The following CD40 variants were observed in gnomAD, a reference collection of about 807,000 sequenced individuals.
The protein encoded by CD40 is CD40 molecule, also known as tumor necrosis factor receptor superfamily member 5.
CD40 carries 19 observed loss-of-function variants against 38.5 expected under a neutral mutation model. The ratio of observed to expected loss-of-function variants is 0.49; its 90% CI spans 0.34 to 0.72. The LOEUF (loss-of-function observed/expected upper bound fraction) is 0.72. Among genes scored for constraint, CD40 ranks in the 30% least tolerant of loss-of-function variants. The pLI, the probability that CD40 is intolerant of heterozygous loss-of-function variation, is 0.01. For synonymous variants in CD40, 130 were observed against 128.7 expected, an observed-to-expected ratio of 1.01 and a Z score of -0.07; for missense variants, 256 against 344.1, an observed-to-expected ratio of 0.74 and a Z score of 2.03.
rs2085502827 is a variant in CD40, at chr20:46,129,128, G to A, written c.*88G>A. On this transcript the variant is annotated 3_prime_UTR_variant, in exon 9 of 9. Transcript: ENST00000372285. ...GCTGCTGCTGCTGTGGCGTGAGGGT[G>A]AGGGGCTGGCACTGACTGGGCATAG... The A allele has an allele frequency of 6.7e-7, 1 of 1,488,912 alleles. No homozygotes were observed. The highest frequency in any genetic ancestry group is 9.3e-7 in the Non-Finnish European group (1 of 1,073,440). 92.2% of individuals were successfully genotyped at this position (1,488,912 alleles called of 1,614,324 possible).
intron 5 of CD40, among the ~76,000 whole-genome samples, chr20:46,125,956 G>C (rs1011224463): frequency 6.6e-6 from 1 of 152,154 alleles, no homozygotes; most frequent in Non-Finnish European, 1.5e-5. Flanking sequence ...GTCCCACTTA[G>C]CGGGACTGCA....
chr20:46,129,346 C>T lies in CD40; in HGVS notation c.*306C>T, dbSNP rs772009573. 5.1e-5 allele frequency: 20 copies of T among 395,132 alleles called. No individual in the cohort carries two copies. The highest frequency in any genetic ancestry group is 7.7e-5 in the Non-Finnish European group (16 of 206,468). 24.5% of individuals were successfully genotyped at this position (395,132 alleles called of 1,614,324 possible). A position where few individuals can be genotyped will look rare whatever the true frequency, so the allele number is the denominator to read the frequency against. On this transcript the variant is annotated 3_prime_UTR_variant, in exon 9 of 9. Transcript: ENST00000372285. The stretch of plus-strand genomic sequence containing the variant: ...GTTTAGTAATATCCACCAGACCTTC[C>T]GATCCAGCAGTTTGGTGCCCAGAGA...
At chr20:46,123,262 A>G (rs1369031138) in intron 5 of CD40, 43 bp downstream of exon 5, 6 of 1,421,444 alleles carry the variant, frequency 4.2e-6, no homozygotes, top group South Asian at 2.3e-5. Context: ...TAAGAGTGGC[A>G]TGGAGCTGCC....
intron 1 of CD40, among the ~76,000 whole-genome samples, chr20:46,119,347 AAAGCAAGGG>A (rs2085273489): frequency 6.6e-6 from 1 of 152,170 alleles, no homozygotes; most frequent in Non-Finnish European, 1.5e-5. Context: ...GGTATCAAGG[AAAGCAAGGG>A]AAGCAGCAAG....
chr20:46,126,252 A>G (rs560760937), intron 5 of CD40, among the ~76,000 whole-genome samples: 1 of 140,168 alleles, frequency 7.1e-6, no homozygotes, highest in East Asian at 2.1e-4. Flanking sequence ...CCCAAGTGTC[A>G]CTGGTGCTGA....
intron 4 of CD40, 70 bp from the exon 5 acceptor site, chr20:46,123,056 C>G: frequency 8.1e-7 from 1 of 1,241,584 alleles, no homozygotes. Flanking sequence ...TGCCTGGCCA[C>G]TGGCTGCCTT....
In CD40 at chr20:46,121,856, C is replaced by G; in HGVS notation, c.88C>G (p.Gln30Glu). The stretch of plus-strand genomic sequence containing the variant: ...ACCACCCACTGCATGCAGAGAAAAA[C>G]AGTACCTAATAAACAGTCAGTGCTG... ...PEPPTACREK[Q>E]YLINSQCCSL... Residue 30 changes from glutamine (Q) to glutamate (E), a missense_variant, in exon 2 of 9, where the codon CAG (glutamine) becomes GAG (glutamate). Coordinates refer to ENST00000372285, the MANE Select transcript of CD40 (RefSeq NM_001250.6). 6.2e-7 allele frequency: 1 copy of G among 1,614,158 alleles called. No homozygotes were observed. Among genetic ancestry groups the G allele is most frequent in the Non-Finnish European group, 8.5e-7 (1 of 1,179,996 alleles).
At chr20:46,120,922 G>A (rs112530334) in intron 1 of CD40, among the ~76,000 whole-genome samples, 27 of 152,212 alleles carry the variant, frequency 1.8e-4, no homozygotes, top group African/African-American at 5.8e-4. Context: ...TAAATTAGCC[G>A]GGCATAGTGG....
intron 1 of CD40, among the ~76,000 whole-genome samples, chr20:46,120,995 A>G (rs2085306547): frequency 6.6e-6 from 1 of 152,138 alleles, no homozygotes; most frequent in Non-Finnish European, 1.5e-5. Flanking sequence ...AACCCAGGAG[A>G]TAGAGGTTGC....
rs184030308 is a variant in CD40 at position 46,125,516 on chromosome 20, C to T, written c.498-1124C>T. Among the ~76,000 whole-genome samples the T allele has an allele frequency of 2.2e-5, 3 of 137,422 alleles. No individual in the cohort carries two copies. In the East Asian group the frequency reaches 6.3e-4, roughly 29 times the overall value. 90.2% of individuals were successfully genotyped at this position (137,422 alleles called of 152,430 possible). A position where few individuals can be genotyped will look rare whatever the true frequency, so the allele number is the denominator to read the frequency against. ...CTGAGATCGCGCCACTGCATTCCAG[C>T]CAGTCTGGCGAAAGAGCAAGACTCT... is the stretch of plus-strand genomic sequence containing the variant. On this transcript the variant is annotated intron_variant, in intron 5 of 8. Coordinates refer to ENST00000372285, the MANE Select transcript of CD40 (RefSeq NM_001250.6).
intron 6 of CD40, 154 bp downstream of exon 6, chr20:46,126,855 G>A: frequency 1.6e-6 from 2 of 1,254,444 alleles, no homozygotes; most frequent in Non-Finnish European, 1.1e-6. Context: ...GGGAGTCTGG[G>A]CAAATCACTT....
chr20:46,129,200 G>A lies in CD40; in HGVS notation c.*160G>A, dbSNP rs1271522183. The stretch of plus-strand genomic sequence containing the variant: ...CCTGCAGTTTGAGACAGGAGACCTG[G>A]CACTGGATGCAGAAACAGTTCACCT... On this transcript the variant is annotated 3_prime_UTR_variant, in exon 9 of 9. Transcript: ENST00000372285. The A allele has an allele frequency of 2.4e-5, 18 of 741,266 alleles. No individual in the cohort carries two copies. In the East Asian group the frequency reaches 4.9e-4, roughly 20 times the overall value. The allele number at this position is 741,266 out of a possible 1,614,324, so 45.9% of individuals were successfully genotyped here. A position where few individuals can be genotyped will look rare whatever the true frequency, so the allele number is the denominator to read the frequency against.
chr20:46,119,030 A>G (rs2085267348), intron 1 of CD40, among the ~76,000 whole-genome samples: 1 of 151,238 alleles, frequency 6.6e-6, no homozygotes. Flanking sequence ...TGAACAGTTT[A>G]TGGGACACAA....
At chr20:46,124,763 T>G (rs967539533) in intron 5 of CD40, among the ~76,000 whole-genome samples, 40 of 105,722 alleles carry the variant, frequency 3.8e-4, no homozygotes, top group South Asian at 1.3e-3. Context: ...TTTTTTTTTT[T>G]TTTTTTTTTT....
At position 46,122,595 on chromosome 20, in the gene CD40, C is replaced by T; in HGVS notation, c.257-15C>T. 1 of 1,614,114 alleles carries T rather than the reference C, an allele frequency of 6.2e-7. No individual in the cohort carries two copies. ...CAGCAGGGGGTTCCCATCCTTCCTG[C>T]CCTTCTCTTCTCAGACCTAGGGCTT... is the stretch of plus-strand genomic sequence containing the variant. On this transcript the variant is annotated splice_polypyrimidine_tract_variant and intron_variant, in intron 3 of 8. Transcript: ENST00000372285. The surrounding 1 kb of genome is among the most constrained non-coding windows in gnomAD (Gnocchi z 5.0).
rs147672904 is a variant in CD40, at chr20:46,128,926, C to T, written c.720C>T (p.Asp240=). 81 of 1,614,198 alleles carry T rather than the reference C, an allele frequency of 5.0e-5. No individual in the cohort carries two copies. In the South Asian group the frequency reaches 5.2e-4, roughly 10 times the overall value. Residue 240 remains aspartate, a synonymous_variant, in exon 9 of 9, where the codon GAC becomes GAT. Coordinates refer to ENST00000372285, the MANE Select transcript of CD40 (RefSeq NM_001250.6). The stretch of plus-strand genomic sequence containing the variant: ...AACCCCAGGAGATCAATTTTCCCGA[C>T]GATCTTCCTGGCTCCAACACTGCTG... ...KQEPQEINFP[D]DLPGSNTAAP... is the part of the protein sequence containing the mutation.
Position 46,121,899 on chromosome 20 carries a change from G to A in CD40, c.130+1G>A. On this transcript the variant is annotated splice_donor_variant, in intron 2 of 8. Coordinates refer to ENST00000372285, the MANE Select transcript of CD40 (RefSeq NM_001250.6). LOFTEE classifies it high-confidence loss of function. ...CAGTGCTGTTCTTTGTGCCAGCCAGGTGAGATGCCAACCCTCTAGCCCCAT... is the reference window on the plus strand; with the variant it reads ...CAGTGCTGTTCTTTGTGCCAGCCAGATGAGATGCCAACCCTCTAGCCCCAT... 6.2e-7 allele frequency: 1 copy of A among 1,612,912 alleles called. No homozygotes were observed. Among genetic ancestry groups the A allele is most frequent in the Non-Finnish European group, 8.5e-7 (1 of 1,178,878 alleles).
Position 46,128,895 on chromosome 20 carries a change from A to C in CD40, c.689A>C (p.Lys230Thr). The C allele has an allele frequency of 6.2e-7, 1 of 1,614,128 alleles. No homozygotes were observed. Among genetic ancestry groups the C allele is most frequent in the Non-Finnish European group, 8.5e-7 (1 of 1,179,980 alleles). ...KKPTNKAPHP[K>T]QEPQEINFPD... Reference sequence around the variant, plus strand: ...TTGCCTCTCCAGGCCCCCCACCCCAAGCAGGAACCCCAGGAGATCAATTTT... The same window carrying C: ...TTGCCTCTCCAGGCCCCCCACCCCACGCAGGAACCCCAGGAGATCAATTTT... The change falls in exon 9 of 9, where the codon AAG becomes ACG. Residue 230 changes from lysine (K) to threonine (T), a missense_variant. Lys to Thr is a moderately conservative substitution (Grantham distance 78). Coordinates refer to ENST00000372285, the MANE Select transcript of CD40 (RefSeq NM_001250.6).
chr20:46,120,783 G>A (rs886238958), intron 1 of CD40, among the ~76,000 whole-genome samples: 15 of 152,248 alleles, frequency 9.9e-5, no homozygotes, highest in South Asian at 6.2e-4. Context: ...TAAATGTACC[G>A]GCCAGGCACG....
Sources: gnomAD v4.1 joint callset for allele counts (sites outside exome capture counted in the v4.1 genomes callset) on GRCh38, gnomAD v4.1.1 for gene constraint, Gnocchi (gnomAD v3.1) non-coding constraint, MANE v1.5 for transcripts, NCBI Gene and HGNC (gene_info 2026-07-23, HGNC 2026-07-21) for gene names.